PLCB4: variants seen among roughly 807,000 people sequenced by gnomAD.
PLCB4 encodes the protein 1-phosphatidylinositol 4,5-bisphosphate phosphodiesterase beta-4.
Under a neutral mutation model 178.8 loss-of-function variants are expected in PLCB4, and 77 were observed. The ratio of observed to expected loss-of-function variants is 0.43; its 90% confidence interval spans 0.36 to 0.52. The LOEUF (loss-of-function observed/expected upper bound fraction) is 0.52, where lower values mean the gene tolerates loss of function less well. PLCB4 is among the 20% of genes least tolerant of loss of function. PLCB4 has a pLI of 0.00. For synonymous variants in PLCB4, 496 were observed against 490.8 expected (o/e 1.01, Z -0.14); for missense variants, 1,024 against 1,453.4 (o/e 0.70, Z 4.80).
intron 3 of PLCB4, among the ~76,000 whole-genome samples, chr20:9,239,824 G>C (rs2094037038): frequency 6.6e-6 from 1 of 152,186 alleles, no homozygotes; most frequent in Non-Finnish European, 1.5e-5. Flanking sequence ...AAAGGCCTCA[G>C]AGCCCCCGGC....
intron 3 of PLCB4, among the ~76,000 whole-genome samples, chr20:9,257,774 T>C (rs531368184): frequency 6.6e-6 from 1 of 152,296 alleles, no homozygotes; most frequent in South Asian, 2.1e-4. Context: ...AACTAAAATA[T>C]AAATTTTAAC....
chr20:9,118,312 A>C (rs929280149), intron 2 of PLCB4, among the ~76,000 whole-genome samples: 5 of 149,372 alleles, frequency 3.3e-5, no homozygotes, highest in Non-Finnish European at 5.9e-5. Context: ...AATAAAAAAA[A>C]AACAACAAAG....
chr20:9,083,001 G>T (rs1029751518), intron 1 of PLCB4, among the ~76,000 whole-genome samples: 10 of 152,110 alleles, frequency 6.6e-5, no homozygotes, highest in Non-Finnish European at 1.2e-4. Flanking sequence ...CAGACCAACA[G>T]GTTTTCCATA....
At chr20:9,334,330 A>C (rs900331933) in intron 4 of PLCB4, among the ~76,000 whole-genome samples, 1 of 152,124 alleles carries the variant, frequency 6.6e-6, no homozygotes, top group African/African-American at 2.4e-5. Context: ...ATAGAAATGG[A>C]AGCCAGATAG....
intron 1 of PLCB4, among the ~76,000 whole-genome samples, chr20:9,087,993 G>A (rs6039386): frequency 0.49 from 74,152 of 151,798 alleles, 18,485 homozygotes; most frequent in Middle Eastern, 0.57. Context: ...AACACCATCA[G>A]ACCCCGAGGG....
intron 4 of PLCB4, among the ~76,000 whole-genome samples, chr20:9,319,767 T>A (rs74914682): frequency 0.013 from 1,917 of 152,274 alleles, 35 homozygotes; most frequent in African/African-American, 0.044. Context: ...CTTTATTCAT[T>A]CCATCAATTC....
intron 15 of PLCB4, among the ~76,000 whole-genome samples, chr20:9,389,312 C>T (rs115886935): frequency 2.6e-3 from 402 of 152,180 alleles, no homozygotes; most frequent in African/African-American, 9.2e-3. Flanking sequence ...CCCCTTCCCC[C>T]GGCCTTGTAA....
chr20:9,400,704 T>C (rs534405799), intron 19 of PLCB4, among the ~76,000 whole-genome samples: 4 of 152,216 alleles, frequency 2.6e-5, no homozygotes, highest in Admixed American at 6.5e-5. Context: ...AGTGATTGTG[T>C]GAATCCAAAT....
At chr20:9,254,619 A>T (rs2094215018) in intron 3 of PLCB4, among the ~76,000 whole-genome samples, 1 of 152,184 alleles carries the variant, frequency 6.6e-6, no homozygotes, top group Non-Finnish European at 1.5e-5. Context: ...AATCTCTTGA[A>T]TCTGGGAGTT....
intron 9 of PLCB4, among the ~76,000 whole-genome samples, chr20:9,370,014 G>A (rs551865624): frequency 6.6e-6 from 1 of 152,330 alleles, no homozygotes; most frequent in East Asian, 1.9e-4. Flanking sequence ...GGGAGCGATT[G>A]AAGGCTCCTT....
intron 3 of PLCB4, among the ~76,000 whole-genome samples, chr20:9,267,491 AATT>A (rs970030743): frequency 3.3e-5 from 5 of 152,132 alleles, no homozygotes; most frequent in Non-Finnish European, 7.3e-5. Context: ...TTTTTAAAAT[AATT>A]ATTATTTGTA....
At chr20:9,133,040 C>A (rs1208390774) in intron 2 of PLCB4, among the ~76,000 whole-genome samples, 2 of 152,162 alleles carry the variant, frequency 1.3e-5, no homozygotes, top group Non-Finnish European at 2.9e-5. Context: ...AGAAACACTG[C>A]TGTAGGGTAA....
chr20:9,423,809 T>C lies in PLCB4; in HGVS notation c.2381T>C (p.Ile794Thr), dbSNP rs2040813742. Residue 794 changes from isoleucine to threonine, a missense_variant, in exon 28 of 40, where the codon ATT becomes ACT. Around this residue, in one of 7 missense-constraint regions of PLCB4, gnomAD observed 227 missense variants for 374.3 expected, o/e 0.61. Coordinates refer to ENST00000378473, the MANE Select transcript of PLCB4 (RefSeq NM_001377142.1). Reference sequence around the variant, plus strand: ...GTGTATGATGATAACAACAAGCTGATTGGCCAGAGGATCCTCCCGCTTGAT... The same window carrying C: ...GTGTATGATGATAACAACAAGCTGACTGGCCAGAGGATCCTCCCGCTTGAT... ...IAVYDDNNKLIGQRILPLDGL... is the reference protein window; with the variant it reads ...IAVYDDNNKLTGQRILPLDGL... 10 of 1,613,954 alleles carry C rather than the reference T, an allele frequency of 6.2e-6. No homozygotes were observed. Among genetic ancestry groups the C allele is most frequent in the Admixed American group, 1.7e-5 (1 of 59,968 alleles).
intron 4 of PLCB4, among the ~76,000 whole-genome samples, chr20:9,330,017 T>C (rs935177996): frequency 5.9e-5 from 9 of 152,128 alleles, no homozygotes; most frequent in African/African-American, 1.9e-4. Context: ...AAATAAAAAT[T>C]TGTGGTTCTG....
intron 2 of PLCB4, among the ~76,000 whole-genome samples, chr20:9,194,451 A>G (rs2093443580): frequency 6.6e-6 from 1 of 151,920 alleles, no homozygotes; most frequent in Non-Finnish European, 1.5e-5. Context: ...CTTTGGGAGG[A>G]CAAGGTGGGT....
intron 35 of PLCB4, among the ~76,000 whole-genome samples, chr20:9,462,388 A>T (rs572922646): frequency 6.6e-6 from 1 of 152,340 alleles, no homozygotes; most frequent in South Asian, 2.1e-4. Context: ...CTTGCCAGCA[A>T]TGGAACAAAG....
chr20:9,095,374 C>G (rs570863467), intron 1 of PLCB4, among the ~76,000 whole-genome samples: 3 of 152,078 alleles, frequency 2.0e-5, no homozygotes, highest in Admixed American at 2.0e-4. Context: ...GTTTTTGAAT[C>G]TATATATCAT....
At chr20:9,378,482 C>T (rs1392478054) in intron 12 of PLCB4, among the ~76,000 whole-genome samples, 1 of 152,082 alleles carries the variant, frequency 6.6e-6, no homozygotes, top group African/African-American at 2.4e-5. Flanking sequence ...GACGGAGCTC[C>T]TTGTTTCCTT....
intron 2 of PLCB4, among the ~76,000 whole-genome samples, chr20:9,106,442 GT>G (rs1264963903): frequency 6.6e-6 from 1 of 151,724 alleles, no homozygotes; most frequent in Admixed American, 6.6e-5. Context: ...TTCCCAGTCT[GT>G]TTTTGACAGA....
Sources: allele counts gnomAD v4.1 joint callset (sites outside exome capture counted in the v4.1 genomes callset), GRCh38; gene constraint gnomAD v4.1.1; regional missense constraint gnomAD v4.1.1; transcripts MANE v1.5; gene names NCBI Gene and HGNC (gene_info 2026-07-23, HGNC 2026-07-21).